LUZP2: variants seen among roughly 807,000 people sequenced by gnomAD.
LUZP2 encodes the protein leucine zipper protein 2.
A neutral mutation model predicts 51.6 loss-of-function variants in LUZP2; 52 were observed. That is an observed-to-expected ratio of 1.01 (90% CI 0.81 to 1.27). The LOEUF is 1.27. Ranked by LOEUF, LUZP2 falls within the 50% of genes most tolerant of loss-of-function variation. The pLI, the probability that LUZP2 is intolerant of heterozygous loss-of-function variation, is 0.00. For synonymous variants in LUZP2, 154 were observed against 137.3 expected, an observed-to-expected ratio of 1.12 and a Z score of -0.85; for missense variants, 436 against 395.4, an observed-to-expected ratio of 1.10 and a Z score of -0.87.
intron 9 of LUZP2, among the ~76,000 whole-genome samples, chr11:25,027,801 C>G (rs1857536277): frequency 6.7e-6 from 1 of 149,616 alleles, no homozygotes; most frequent in African/African-American, 2.5e-5. Context: ...ACCCGGGAGG[C>G]AGAGGTTGCA....
intron 7 of LUZP2, among the ~76,000 whole-genome samples, chr11:24,915,770 A>C (rs1245613669): frequency 1.3e-5 from 2 of 152,020 alleles, no homozygotes; most frequent in African/African-American, 4.8e-5. Flanking sequence ...AGGTTAGTGC[A>C]AGAGTAACTG....
chr11:24,753,460 A>C lies in LUZP2; in HGVS notation c.334-9786A>C, dbSNP rs566715132. Among the ~76,000 whole-genome samples, 9 of 152,246 alleles carry C rather than the reference A, an allele frequency of 5.9e-5. No individual in the cohort carries two copies. The South Asian group carries it at 1.9e-3, about 32-fold the overall frequency. ...TTCTCTTTAGAATGAGAGTTTTATG[A>C]TCCACAAACAGAAAGGCAGGGAAAG... On this transcript the variant is annotated intron_variant, in intron 4 of 11. Transcript: ENST00000336930.
At chr11:25,018,629 A>T in intron 9 of LUZP2, among the ~76,000 whole-genome samples, 1 of 123,880 alleles carries the variant, frequency 8.1e-6, no homozygotes, top group African/African-American at 3.3e-5. Context: ...TTTTTTTTAA[A>T]GACACTCTCA....
chr11:24,773,307 G>T (rs1319413505), intron 5 of LUZP2, among the ~76,000 whole-genome samples: 1 of 152,102 alleles, frequency 6.6e-6, no homozygotes, highest in African/African-American at 2.4e-5. Context: ...CTAACCATGA[G>T]AAATGTAAAG....
intron 1 of LUZP2, among the ~76,000 whole-genome samples, chr11:24,598,674 A>T (rs1379692220): frequency 6.6e-6 from 1 of 152,030 alleles, no homozygotes; most frequent in African/African-American, 2.4e-5. Flanking sequence ...AATAAAGATG[A>T]CTCCAAGGCA....
At chr11:24,892,449 T>A (rs1386381092) in intron 5 of LUZP2, 1 of 909,312 alleles carries the variant, frequency 1.1e-6, no homozygotes, top group Admixed American at 6.2e-5. Flanking sequence ...TAATTCAACA[T>A]TTATACCATC....
chr11:24,882,675 C>T (rs1315951240), intron 5 of LUZP2, among the ~76,000 whole-genome samples: 3 of 151,568 alleles, frequency 2.0e-5, no homozygotes, highest in African/African-American at 7.3e-5. Flanking sequence ...TTATAATAAG[C>T]ATGTACCCTT....
chr11:24,981,381 A>C (rs1310625016), intron 8 of LUZP2, among the ~76,000 whole-genome samples: 1 of 151,764 alleles, frequency 6.6e-6, no homozygotes, highest in Non-Finnish European at 1.5e-5. Flanking sequence ...ATGCATTGTA[A>C]TTAGTATATA....
intron 1 of LUZP2, among the ~76,000 whole-genome samples, chr11:24,559,089 C>G (rs1172955907): frequency 1.3e-5 from 2 of 152,020 alleles, no homozygotes; most frequent in African/African-American, 2.4e-5. Context: ...TATTAGGAAA[C>G]TCCTGTAGAT....
chr11:24,746,603 C>G (rs990818725), intron 4 of LUZP2, among the ~76,000 whole-genome samples: 1 of 152,286 alleles, frequency 6.6e-6, no homozygotes, highest in East Asian at 1.9e-4. Flanking sequence ...AGTTCTCTAG[C>G]AAGGCTATGG....
intron 10 of LUZP2, among the ~76,000 whole-genome samples, chr11:25,065,215 T>C (rs886324527): frequency 2.0e-5 from 3 of 152,000 alleles, no homozygotes; most frequent in Admixed American, 6.6e-5. Context: ...TTCTCTACCA[T>C]GTACCTAGGT....
intron 5 of LUZP2, among the ~76,000 whole-genome samples, chr11:24,812,359 G>T (rs1850047014): frequency 6.6e-6 from 1 of 152,092 alleles, no homozygotes; most frequent in African/African-American, 2.4e-5. Context: ...GTTAAAAAAA[G>T]AAAACTTCTT....
At chr11:24,746,591 C>G (rs959919052) in intron 4 of LUZP2, among the ~76,000 whole-genome samples, 2 of 152,112 alleles carry the variant, frequency 1.3e-5, no homozygotes, top group African/African-American at 4.8e-5. Context: ...ATTTGAATGT[C>G]TAGTTCTCTA....
intron 1 of LUZP2, among the ~76,000 whole-genome samples, chr11:24,548,001 T>C (rs1285251541): frequency 6.6e-6 from 1 of 152,018 alleles, no homozygotes; most frequent in Non-Finnish European, 1.5e-5. Flanking sequence ...CACAATGAGA[T>C]ATCATCTCAT....
chr11:24,822,399 C>G (rs1470832094), intron 5 of LUZP2, among the ~76,000 whole-genome samples: 1 of 152,002 alleles, frequency 6.6e-6, no homozygotes, highest in Non-Finnish European at 1.5e-5. Flanking sequence ...TTGTATATAT[C>G]CTTTTGTGAC....
chr11:24,787,521 G>A (rs1030581977), intron 5 of LUZP2, among the ~76,000 whole-genome samples: 1 of 152,086 alleles, frequency 6.6e-6, no homozygotes, highest in African/African-American at 2.4e-5. Context: ...TCAGGTGATT[G>A]TTTTTCATTT....
At chr11:25,015,070 T>C (rs1196535026) in intron 9 of LUZP2, among the ~76,000 whole-genome samples, 2 of 152,030 alleles carry the variant, frequency 1.3e-5, no homozygotes, top group African/African-American at 4.8e-5. Flanking sequence ...TAGATATGCA[T>C]TGTATTTATT....
intron 5 of LUZP2, among the ~76,000 whole-genome samples, chr11:24,862,428 C>T (rs1441570765): frequency 6.6e-6 from 1 of 152,182 alleles, no homozygotes; most frequent in African/African-American, 2.4e-5. Context: ...AAACTGGTAT[C>T]AGCCGCTGCA....
chr11:25,076,403 G>T (rs146236431), intron 10 of LUZP2, among the ~76,000 whole-genome samples: 31 of 152,108 alleles, frequency 2.0e-4, no homozygotes, highest in South Asian at 1.9e-3. Context: ...AAGATTATGA[G>T]AAATATAACA....
Sources: gnomAD v4.1 joint callset for allele counts (sites outside exome capture counted in the v4.1 genomes callset) on GRCh38, gnomAD v4.1.1 for gene constraint, MANE v1.5 for transcripts, NCBI Gene and HGNC (gene_info 2026-07-23, HGNC 2026-07-21) for gene names.